The following PKD1L1 variants were observed in gnomAD, a reference collection of about 807,000 sequenced individuals.
The protein encoded by PKD1L1 is polycystin 1 like 1, transient receptor potential channel interacting.
Under a neutral mutation model 323.4 loss-of-function variants are expected in PKD1L1, and 236 were observed. That is an observed-to-expected ratio of 0.73 (90% CI 0.66 to 0.81). PKD1L1 has a LOEUF of 0.81. Ranked by LOEUF, PKD1L1 falls within the 40% of genes least tolerant of loss-of-function variation. The pLI is 0.00. For missense variants in PKD1L1, 3,320 were observed against 3,508.0 expected (o/e 0.95, Z 1.35); for synonymous variants, 1,344 against 1,335.0 (o/e 1.01, Z -0.15).
chr7:47,809,086 GT>G (rs1214098409), intron 51 of PKD1L1: 3 of 157,038 alleles, frequency 1.9e-5, no homozygotes, highest in Admixed American at 6.3e-5. Context: ...AATTCCAAAA[GT>G]TTTTTCTATT....
chr7:47,930,176 A>G (rs1186839294), intron 6 of PKD1L1, among the ~76,000 whole-genome samples: 1 of 152,122 alleles, frequency 6.6e-6, no homozygotes, highest in East Asian at 1.9e-4. Flanking sequence ...TCATGGAGGT[A>G]GAAATGGCTT....
rs2128743125 is a variant in PKD1L1, at chr7:47,862,492, T to G, written c.4149+2724A>C. Among the ~76,000 whole-genome samples, 2 of 152,180 alleles carry G rather than the reference T, an allele frequency of 1.3e-5. 1 individual carries two copies. Among genetic ancestry groups the G allele is most frequent in the South Asian group, 4.2e-4 (2 of 4,806 alleles). ...ATGCGTTACACCTATGGTATTTCTG[T>G]GGTGAAGAGGAAGATCCCTGGTATC... On this transcript the variant is annotated intron_variant, in intron 26 of 56. Transcript: ENST00000289672.
intron 7 of PKD1L1, among the ~76,000 whole-genome samples, chr7:47,921,609 T>C (rs903017459): frequency 6.6e-6 from 1 of 152,166 alleles, no homozygotes; most frequent in African/African-American, 2.4e-5. Flanking sequence ...CAATTTGCAA[T>C]TGTAAAACCA....
At chr7:47,922,619 G>GAGCAGCGTCTCTGACCGGC (rs1375866455) in intron 7 of PKD1L1, among the ~76,000 whole-genome samples, 5 of 152,118 alleles carry the variant, frequency 3.3e-5, no homozygotes, top group Admixed American at 3.3e-4. Flanking sequence ...TCTGGGAGGT[G>GAGCAGCGTCTCTGACCGGC]AGCAGCGTCT....
intron 56 of PKD1L1, among the ~76,000 whole-genome samples, chr7:47,780,058 T>C (rs1786655715): frequency 6.6e-6 from 1 of 152,152 alleles, no homozygotes; most frequent in South Asian, 2.1e-4. Context: ...GAGATAACTG[T>C]AGATTCACAC....
rs201201664 is a variant in PKD1L1 at position 47,929,351 on chromosome 7, G to A, written c.913C>T (p.Pro305Ser). 3.2e-5 allele frequency: 52 copies of A among 1,614,064 alleles called. No individual in the cohort carries two copies. The African/African-American group carries it at 5.3e-4, about 17-fold the overall frequency. Residue 305 changes from proline (P) to serine (S), a missense_variant, in exon 7 of 57, where the codon CCT becomes TCT. Pro to Ser is a moderately conservative substitution (Grantham distance 74, BLOSUM62 -1). Transcript: ENST00000289672. Reference protein sequence around the residue: ...NCSLEVEARAPPNLGFRVHMA... With the variant: ...NCSLEVEARASPNLGFRVHMA... ...TGAACACGGAATCCCAGATTTGGAG[G>A]TGCCCGAGCTTCCACTTCCAGGGAG...
At chr7:47,778,655 A>T (rs115958403) in intron 56 of PKD1L1, among the ~76,000 whole-genome samples, 13,943 of 152,248 alleles carry the variant, frequency 0.092, 820 homozygotes, top group East Asian at 0.2. Context: ...GGCAATTGAA[A>T]TGAGACTATG....
At chr7:47,896,512 CT>C (rs1322591290) in intron 14 of PKD1L1, among the ~76,000 whole-genome samples, 1 of 151,788 alleles carries the variant, frequency 6.6e-6, no homozygotes, top group African/African-American at 2.4e-5. Flanking sequence ...TCTGGGTCCC[CT>C]TGGCCAAGAG....
chr7:47,954,657 C>T, the PKD1L1 span, among the ~76,000 whole-genome samples: 21 of 152,220 alleles, frequency 1.4e-4, no homozygotes, highest in Admixed American at 1.4e-3. Flanking sequence ...TATAGCCACA[C>T]AACACAGACT....
At chr7:47,919,995 T>C (rs908423473) in intron 7 of PKD1L1, among the ~76,000 whole-genome samples, 1 of 152,088 alleles carries the variant, frequency 6.6e-6, no homozygotes, top group Admixed American at 6.5e-5. Flanking sequence ...CTCTTCAACA[T>C]AGTACTGGAA....
intron 49 of PKD1L1, among the ~76,000 whole-genome samples, chr7:47,812,524 A>T (rs1784922529): frequency 6.6e-6 from 1 of 152,204 alleles, no homozygotes; most frequent in Non-Finnish European, 1.5e-5. Flanking sequence ...AAAGGCTCAC[A>T]TTATTGTAAC....
chr7:47,926,904 G>A (rs1787665914), intron 7 of PKD1L1, among the ~76,000 whole-genome samples: 1 of 152,226 alleles, frequency 6.6e-6, no homozygotes, highest in Non-Finnish European at 1.5e-5. Flanking sequence ...AGCATAGGTA[G>A]AGAGAGCACG....
intron 54 of PKD1L1, among the ~76,000 whole-genome samples, chr7:47,797,162 T>A (rs1431484435): frequency 6.6e-6 from 1 of 152,192 alleles, no homozygotes; most frequent in Non-Finnish European, 1.5e-5. Context: ...GAGCCTCCCC[T>A]CCATGCTGCT....
In PKD1L1 at chr7:47,882,090, G is replaced by A. The variant is rs1786568621; in HGVS notation, c.3266-5C>T. On this transcript the variant is annotated splice_region_variant and splice_polypyrimidine_tract_variant and intron_variant, in intron 19 of 56. Transcript: ENST00000289672. ...CTGGAAAGCTGGTGTCCTTAGCTAG[G>A]AAGATAAACCAAGCCAATAGATGTT... is the stretch of plus-strand genomic sequence containing the variant. 2 of 1,612,604 alleles carry A rather than the reference G, an allele frequency of 1.2e-6. No homozygotes were observed. The highest frequency in any genetic ancestry group is 1.7e-6 in the Non-Finnish European group (2 of 1,179,660).
chr7:47,883,781 C>T (rs1292370686), intron 19 of PKD1L1, among the ~76,000 whole-genome samples: 5 of 152,178 alleles, frequency 3.3e-5, no homozygotes, highest in South Asian at 2.1e-4. Context: ...ATTATTCCCT[C>T]GATAGATAAA....
chr7:47,792,690 G>A lies in PKD1L1; in HGVS notation c.8463C>T (p.Asn2821=). 3 of 1,614,084 alleles carry A rather than the reference G, an allele frequency of 1.9e-6. No individual in the cohort carries two copies. Among genetic ancestry groups the A allele is most frequent in the Non-Finnish European group, 2.5e-6 (3 of 1,179,950 alleles). ...QLPLLEKTSN[N]TGEARTEESP... is the part of the protein sequence containing the mutation. ...TCTCTTCTGTCCTTGCCTCCCCTGTGTTGTTGGATGTTTTTTCCAGAAGGG... is the reference window on the plus strand; with the variant it reads ...TCTCTTCTGTCCTTGCCTCCCCTGTATTGTTGGATGTTTTTTCCAGAAGGG... Residue 2821 remains asparagine, a synonymous_variant, in exon 56 of 57, where the codon AAC becomes AAT. Coordinates refer to ENST00000289672, the MANE Select transcript of PKD1L1 (RefSeq NM_138295.5).
chr7:47,902,395 C>T lies in PKD1L1; in HGVS notation c.2048G>A (p.Gly683Glu). Residue 683 changes from glycine (G) to glutamate (E), a missense_variant, in exon 13 of 57, where the codon GGG becomes GAG. Physicochemically the swap from Gly to Glu is moderately conservative, Grantham distance 98 (BLOSUM62 -2). Coordinates refer to ENST00000289672, the MANE Select transcript of PKD1L1 (RefSeq NM_138295.5). Reference protein sequence around the residue: ...PCQPPLVKNMGPGKVQIWRSQ... With the variant: ...PCQPPLVKNMEPGKVQIWRSQ... ...CGAGCCTACCTGGACTTTCCCAGGC[C>T]CCATGTTCTTCACCAGGGGTGGCTG... The T allele has an allele frequency of 6.2e-7, 1 of 1,614,132 alleles. No homozygotes were observed. Among genetic ancestry groups the T allele is most frequent in the South Asian group, 1.1e-5 (1 of 91,074 alleles).
chr7:47,844,762 T>G (rs1210497184), intron 33 of PKD1L1, among the ~76,000 whole-genome samples: 1 of 152,248 alleles, frequency 6.6e-6, no homozygotes, highest in Non-Finnish European at 1.5e-5. Context: ...TTGACTTTCT[T>G]GTGTTTACAA....
Position 47,885,924 on chromosome 7 carries a change from T to G in PKD1L1, c.2967A>C (p.Ser989=). The G allele has an allele frequency of 1.2e-6, 2 of 1,614,004 alleles. No homozygotes were observed. Among genetic ancestry groups the G allele is most frequent in the Non-Finnish European group, 1.7e-6 (2 of 1,179,960 alleles). Residue 989 remains serine (S), a synonymous_variant, in exon 18 of 57, where the codon TCA becomes TCC. Transcript: ENST00000289672. Reference sequence around the variant, plus strand: ...CAAGGGTCACGGGTGAAGGTTCCCGTGAGAATGGTGTGGTCGTTGCATCAG... The same window carrying G: ...CAAGGGTCACGGGTGAAGGTTCCCGGGAGAATGGTGTGGTCGTTGCATCAG... ...ADPDATTTPF[S]REPSPVTLGQ...
Sources: gnomAD v4.1 joint callset for allele counts (sites outside exome capture counted in the v4.1 genomes callset) on GRCh38, gnomAD v4.1.1 for gene constraint, MANE v1.5 for transcripts, NCBI Gene and HGNC (gene_info 2026-07-23, HGNC 2026-07-21) for gene names.